The following MAF variants were observed in gnomAD, a reference collection of about 807,000 sequenced individuals.
The protein encoded by MAF is MAF bZIP transcription factor.
MAF carries 10 observed loss-of-function variants against 22.0 expected under a neutral mutation model. The ratio of observed to expected loss-of-function variants is 0.45; its 90% CI spans 0.28 to 0.77. The LOEUF (loss-of-function observed/expected upper bound fraction) is 0.77, where lower values mean the gene tolerates loss of function less well. Ranked by LOEUF, MAF falls within the 30% of genes least tolerant of loss-of-function variation. The pLI is 0.12. For synonymous variants in MAF, 337 were observed against 255.8 expected (o/e 1.32, Z -3.03); for missense variants, 544 against 548.4 (o/e 0.99, Z 0.08).
At chr16:79,452,852 TAC>T in the MAF span, among the ~76,000 whole-genome samples, 6 of 152,294 alleles carry the variant, frequency 3.9e-5, no homozygotes, top group Non-Finnish European at 4.4e-5. Flanking sequence ...GAACGAAGAT[TAC>T]AGAGTCGCGA....
the MAF span, among the ~76,000 whole-genome samples, chr16:79,466,162 A>C: frequency 6.6e-6 from 1 of 152,172 alleles, no homozygotes; most frequent in Non-Finnish European, 1.5e-5. Flanking sequence ...CTGATGAAAC[A>C]CAGGGTTACT....
chr16:79,260,444 G>A, the MAF span, among the ~76,000 whole-genome samples: 1 of 123,142 alleles, frequency 8.1e-6, no homozygotes, highest in Admixed American at 8.1e-5. Context: ...GAGCCACCAT[G>A]CCTGGCTCAT....
the MAF span, among the ~76,000 whole-genome samples, chr16:79,503,595 C>T: frequency 6.6e-6 from 1 of 152,178 alleles, no homozygotes; most frequent in Non-Finnish European, 1.5e-5. Context: ...TGGCTGGATT[C>T]TCTGACTCTA....
At chr16:79,486,692 C>T in the MAF span, among the ~76,000 whole-genome samples, 1 of 152,160 alleles carries the variant, frequency 6.6e-6, no homozygotes, top group Non-Finnish European at 1.5e-5. Flanking sequence ...GTCTCCGAGA[C>T]AGAGAGAGAG....
At chr16:79,244,546 C>T in the MAF span, among the ~76,000 whole-genome samples, 2 of 151,946 alleles carry the variant, frequency 1.3e-5, no homozygotes, top group East Asian at 3.8e-4. Context: ...AACTACAAAC[C>T]ACTGCTCAAG....
the MAF span, among the ~76,000 whole-genome samples, chr16:79,323,462 G>A: frequency 6.6e-6 from 1 of 152,052 alleles, no homozygotes; most frequent in African/African-American, 2.4e-5. Context: ...ACTTTTTACA[G>A]ACAAATTAAA....
the MAF span, among the ~76,000 whole-genome samples, chr16:79,562,812 G>C: frequency 2.0e-5 from 3 of 152,166 alleles, no homozygotes; most frequent in African/African-American, 4.8e-5. Context: ...TCCCACCCAG[G>C]AAGTGGGTCT....
At chr16:79,510,208 T>C in the MAF span, among the ~76,000 whole-genome samples, 5 of 152,312 alleles carry the variant, frequency 3.3e-5, no homozygotes, top group East Asian at 1.9e-4. Flanking sequence ...TAGAAGCACA[T>C]TGGCCCACAG....
At chr16:79,510,697 G>C in the MAF span, among the ~76,000 whole-genome samples, 8 of 152,188 alleles carry the variant, frequency 5.3e-5, no homozygotes, top group African/African-American at 1.7e-4. Flanking sequence ...TGCCCTCAAA[G>C]GGGACATACA....
At chr16:79,329,379 T>C in the MAF span, among the ~76,000 whole-genome samples, 1 of 152,124 alleles carries the variant, frequency 6.6e-6, no homozygotes, top group Non-Finnish European at 1.5e-5. Context: ...AAGCTTTATA[T>C]AGGAAGAAAG....
At chr16:79,463,502 A>G in the MAF span, among the ~76,000 whole-genome samples, 1 of 152,216 alleles carries the variant, frequency 6.6e-6, no homozygotes, top group Non-Finnish European at 1.5e-5. Context: ...AGATGACAAC[A>G]ATATAATCCA....
chr16:79,343,539 G>C, the MAF span, among the ~76,000 whole-genome samples: 73 of 152,262 alleles, frequency 4.8e-4, no homozygotes, highest in African/African-American at 1.5e-3. Context: ...CATTTTGCTT[G>C]AAAACAGATT....
chr16:79,549,141 T>C, the MAF span, among the ~76,000 whole-genome samples: 6 of 152,166 alleles, frequency 3.9e-5, no homozygotes, highest in African/African-American at 1.4e-4. Flanking sequence ...TACATATAGT[T>C]AATGGGATCT....
chr16:79,442,521 G>A, the MAF span, among the ~76,000 whole-genome samples: 1 of 152,020 alleles, frequency 6.6e-6, no homozygotes, highest in East Asian at 1.9e-4. Flanking sequence ...ACAGACATGA[G>A]CCACTTCACC....
chr16:79,446,206 C>A, the MAF span, among the ~76,000 whole-genome samples: 3 of 152,160 alleles, frequency 2.0e-5, no homozygotes, highest in Admixed American at 2.0e-4. Flanking sequence ...TATGCAGATC[C>A]TCTGGGAGAG....
At chr16:79,423,029 G>C in the MAF span, among the ~76,000 whole-genome samples, 1 of 152,156 alleles carries the variant, frequency 6.6e-6, no homozygotes, top group Non-Finnish European at 1.5e-5. Flanking sequence ...TGTCAGTGAT[G>C]AAAAGCAAGA....
chr16:79,584,780 A>T (rs755578916), downstream of MAF, among the ~76,000 whole-genome samples: 1 of 152,234 alleles, frequency 6.6e-6, no homozygotes, highest in African/African-American at 2.4e-5. Flanking sequence ...AGAAAACATT[A>T]ATTTCATCCA....
chr16:79,350,615 C>T, the MAF span, among the ~76,000 whole-genome samples: 3 of 152,180 alleles, frequency 2.0e-5, no homozygotes, highest in African/African-American at 4.8e-5. Flanking sequence ...CGCTGCTTTT[C>T]TCTGTCCTTC....
chr16:79,565,518 C>A, the MAF span, among the ~76,000 whole-genome samples: 3 of 150,900 alleles, frequency 2.0e-5, no homozygotes, highest in African/African-American at 7.3e-5. Flanking sequence ...GGGGGGGGGA[C>A]CAGTTGGGAG....
Sources: gnomAD v4.1 joint callset for allele counts (sites outside exome capture counted in the v4.1 genomes callset) on GRCh38, gnomAD v4.1.1 for gene constraint, MANE v1.5 for transcripts, NCBI Gene and HGNC (gene_info 2026-07-23, HGNC 2026-07-21) for gene names.